The following RAPGEF4 variants were observed in gnomAD, a reference collection of about 807,000 sequenced individuals.
RAPGEF4 encodes RAP guanine-nucleotide-exchange factor (GEF) 4.
RAPGEF4 carries 66 observed loss-of-function variants against 147.9 expected under a neutral mutation model. That is an observed-to-expected ratio of 0.45 (90% CI 0.37 to 0.55). RAPGEF4 has a LOEUF of 0.55. RAPGEF4 is among the 20% of genes least tolerant of loss of function. The pLI is 0.00. For missense variants in RAPGEF4, 1,071 were observed against 1,257.3 expected (o/e 0.85, Z 2.24); for synonymous variants, 419 against 442.7 (o/e 0.95, Z 0.67).
chr2:172,901,889 C>G (rs1699091211), intron 4 of RAPGEF4, among the ~76,000 whole-genome samples: 1 of 152,114 alleles, frequency 6.6e-6, no homozygotes, highest in Non-Finnish European at 1.5e-5. Context: ...GGAGAAAAAG[C>G]ATTGAGCCAC....
intron 6 of RAPGEF4, among the ~76,000 whole-genome samples, chr2:172,959,725 C>T (rs772309730): frequency 2.0e-5 from 3 of 152,164 alleles, no homozygotes; most frequent in Non-Finnish European, 4.4e-5. Context: ...TTCTGTAAGA[C>T]TAGAGGGCTT....
rs183522896 is a variant in RAPGEF4, at chr2:173,042,376, G to A, written c.2853+5684G>A. Among the ~76,000 whole-genome samples the A allele has an allele frequency of 1.3e-5, 2 of 152,328 alleles. No individual in the cohort carries two copies. Among genetic ancestry groups the A allele is most frequent in the African/African-American group, 2.4e-5 (1 of 41,578 alleles). ...CAACTGGGCACAGTGGCTCACGCCT[G>A]TAATCCCAGCACTTTGGGAGACTGA... On this transcript the variant is annotated intron_variant, in intron 29 of 30. Transcript: ENST00000397081. This position sits in a 1 kb window ranked among gnomAD's most constrained non-coding sequence, Gnocchi z 4.2.
At chr2:172,771,413 G>GT (rs200818612) in intron 1 of RAPGEF4, among the ~76,000 whole-genome samples, 11,257 of 145,994 alleles carry the variant, frequency 0.077, 1,145 homozygotes, top group East Asian at 0.55. Flanking sequence ...AAGCAGTACT[G>GT]TTTTTTTTTT....
rs546764610 is a variant in RAPGEF4 at position 172,759,130 on chromosome 2, G to T, written c.65+23082G>T. ...AGGAAGAAGAAAGACCAAAATCTGGGGTTGCATTTGAAGTTTTATTTCTTA... is the reference window on the plus strand; with the variant it reads ...AGGAAGAAGAAAGACCAAAATCTGGTGTTGCATTTGAAGTTTTATTTCTTA... On this transcript the variant is annotated intron_variant, in intron 1 of 30. Coordinates refer to ENST00000397081, the MANE Select transcript of RAPGEF4 (RefSeq NM_007023.4). 2.0e-5 allele frequency among the ~76,000 whole-genome samples: 3 copies of T among 152,284 alleles called. No homozygotes were observed. The South Asian group carries it at 6.2e-4, about 32-fold the overall frequency.
At chr2:172,841,791 A>AACACACACAC (rs3064818) in intron 4 of RAPGEF4, among the ~76,000 whole-genome samples, 1 of 147,004 alleles carries the variant, frequency 6.8e-6, no homozygotes, top group African/African-American at 2.5e-5. Context: ...TTGGCTGAAT[A>AACACACACAC]ACACACACAC....
intron 24 of RAPGEF4, 62 bp downstream of exon 24, chr2:173,026,759 G>C (rs1439346886): frequency 6.3e-7 from 1 of 1,586,182 alleles, no homozygotes; most frequent in Non-Finnish European, 8.6e-7. Context: ...TGCTGGCATT[G>C]CTTAGTTTGT....
rs185289210 is a variant in RAPGEF4, at chr2:172,960,262, G to C, written c.538-498G>C. On this transcript the variant is annotated intron_variant, in intron 6 of 30. Coordinates refer to ENST00000397081, the MANE Select transcript of RAPGEF4 (RefSeq NM_007023.4). ...GAGCTTGAGTGCATAGAACCGCCAA[G>C]AAGTCGCATTTAAAAATTAAAACTT... Among the ~76,000 whole-genome samples, 275 of 152,226 alleles carry C rather than the reference G, an allele frequency of 1.8e-3. No individual in the cohort carries two copies. The South Asian group carries it at 0.022, about 12-fold the overall frequency.
chr2:173,006,924 A>G (rs1481830770), intron 17 of RAPGEF4, among the ~76,000 whole-genome samples: 2 of 152,166 alleles, frequency 1.3e-5, no homozygotes, highest in Non-Finnish European at 2.9e-5. Context: ...GCTTCTGCAG[A>G]TATGCAATTT....
intron 13 of RAPGEF4, 100 bp from the exon 14 acceptor site, chr2:172,988,593 T>C (rs1692506873): frequency 7.4e-7 from 1 of 1,347,732 alleles, no homozygotes; most frequent in Admixed American, 2.1e-5. Flanking sequence ...AGCCCATTTA[T>C]CTACAATGTT....
At chr2:172,842,845 T>C (rs542333626) in intron 4 of RAPGEF4, among the ~76,000 whole-genome samples, 1 of 152,278 alleles carries the variant, frequency 6.6e-6, no homozygotes, top group African/African-American at 2.4e-5. Flanking sequence ...GATGAGCATG[T>C]GGGAGGGGAG....
chr2:172,791,391 C>T (rs1000645536), intron 1 of RAPGEF4, among the ~76,000 whole-genome samples: 4 of 152,278 alleles, frequency 2.6e-5, no homozygotes, highest in African/African-American at 4.8e-5. Context: ...GGCCCTGTTT[C>T]GGGCACTGTA....
chr2:172,944,637 G>A (rs1480024701), intron 6 of RAPGEF4, among the ~76,000 whole-genome samples: 1 of 152,178 alleles, frequency 6.6e-6, no homozygotes, highest in Non-Finnish European at 1.5e-5. Context: ...ATCTTAGAGT[G>A]ATTAACCCCA....
chr2:172,988,613 T>TC, intron 13 of RAPGEF4, 80 bp from the exon 14 acceptor site: 1 of 1,457,672 alleles, frequency 6.9e-7, no homozygotes, highest in Non-Finnish European at 9.5e-7. Context: ...TTTAGGGGCT[T>TC]GGGGGTCTTG....
In RAPGEF4 at chr2:172,889,631, G is replaced by GTA. The variant is rs1264585687; in HGVS notation, c.445-28164_445-28163dup. The GTA allele has an allele frequency of 2.0e-5, 3 of 152,238 alleles. No homozygotes were observed. The East Asian group carries it at 5.8e-4, about 29-fold the overall frequency. The allele number at this position is 152,238 out of a possible 1,614,324, so 9.4% of individuals were successfully genotyped here. ...TAATCAAATATATATGTATATATAT[G>GTA]TATATATACATATATATGCACCATT... is the stretch of plus-strand genomic sequence containing the variant. On this transcript the variant is annotated intron_variant, in intron 4 of 30. Coordinates refer to ENST00000397081, the MANE Select transcript of RAPGEF4 (RefSeq NM_007023.4).
chr2:172,829,097 C>T (rs1044222531), intron 4 of RAPGEF4, among the ~76,000 whole-genome samples: 4 of 152,242 alleles, frequency 2.6e-5, no homozygotes, highest in Admixed American at 6.5e-5. Flanking sequence ...ACCTGGGCTA[C>T]GAAGGCCTGG....
At chr2:172,898,966 C>T (rs1020038313) in intron 4 of RAPGEF4, among the ~76,000 whole-genome samples, 9 of 152,206 alleles carry the variant, frequency 5.9e-5, no homozygotes, top group Non-Finnish European at 1.3e-4. Context: ...TTTCCCCCAA[C>T]TTAAATATAC....
chr2:172,776,736 AT>A (rs1684212191), intron 1 of RAPGEF4, among the ~76,000 whole-genome samples: 1 of 151,948 alleles, frequency 6.6e-6, no homozygotes, highest in Admixed American at 6.6e-5. Flanking sequence ...CATACAGTGA[AT>A]TTTTTTCATA....
At chr2:172,985,578 C>T in intron 12 of RAPGEF4, 85 bp downstream of exon 12, 1 of 1,560,534 alleles carries the variant, frequency 6.4e-7, no homozygotes, top group Non-Finnish European at 8.6e-7. Flanking sequence ...GCTAACGCCT[C>T]ACTTCTTGGC....
intron 12 of RAPGEF4, among the ~76,000 whole-genome samples, chr2:172,986,176 C>CTTGCAGAA (rs1553542268): frequency 5.9e-5 from 9 of 152,226 alleles, no homozygotes; most frequent in South Asian, 2.1e-4. Flanking sequence ...CAGGAAATGC[C>CTTGCAGAA]TCTCCAATCT....
Sources: gnomAD v4.1 joint callset for allele counts (sites outside exome capture counted in the v4.1 genomes callset) on GRCh38, gnomAD v4.1.1 for gene constraint, Gnocchi (gnomAD v3.1) non-coding constraint, MANE v1.5 for transcripts, NCBI Gene and HGNC (gene_info 2026-07-23, HGNC 2026-07-21) for gene names.